Variants in SHANK1 observed in about 807,000 individuals in gnomAD.
The protein encoded by SHANK1 is SH3 and multiple ankyrin repeat domains 1.
In SHANK1, 35 loss-of-function variants were observed where a neutral mutation model predicts 165.6. The ratio of observed to expected loss-of-function variants is 0.21; its 90% CI spans 0.16 to 0.28. The LOEUF (loss-of-function observed/expected upper bound fraction) is 0.28. Among genes scored for constraint, SHANK1 ranks in the 10% least tolerant of loss-of-function variants. The probability of loss-of-function intolerance (pLI) is 1.00; values close to 1 mark genes in which losing one functional copy is unlikely to be tolerated. For synonymous variants in SHANK1, 1,428 were observed against 1,384.8 expected (o/e 1.03, Z -0.69); for missense variants, 2,681 against 3,036.4 (o/e 0.88, Z 2.75).
At chr19:50,684,928 A>C (rs1986286603) in intron 21 of SHANK1, among the ~76,000 whole-genome samples, 1 of 152,258 alleles carries the variant, frequency 6.6e-6, no homozygotes, top group Non-Finnish European at 1.5e-5. Flanking sequence ...ATTTTAGTGT[A>C]ACTGGCCTCT....
intron 12 of SHANK1, 83 bp from the exon 13 acceptor site, chr19:50,698,039 C>A: frequency 1.0e-6 from 1 of 968,570 alleles, no homozygotes; most frequent in Non-Finnish European, 1.6e-6. Flanking sequence ...TTAGAGCATT[C>A]CCACAGTTAC....
intron 12 of SHANK1, among the ~76,000 whole-genome samples, chr19:50,698,181 G>T (rs1267338083): frequency 6.8e-6 from 1 of 147,978 alleles, no homozygotes; most frequent in Non-Finnish European, 1.5e-5. Context: ...TGGGGAAGAC[G>T]ACTGTTCCAT....
intron 15 of SHANK1, among the ~76,000 whole-genome samples, chr19:50,691,311 C>T (rs953880525): frequency 6.6e-6 from 1 of 152,060 alleles, no homozygotes; most frequent in African/African-American, 2.4e-5. Flanking sequence ...GTCCCCATTC[C>T]CACCTTCTTA....
Position 50,662,663 on chromosome 19 carries a change from A to G in SHANK1, c.5788T>C (p.Ser1930Pro), listed in dbSNP as rs1384545011. Reference sequence around the variant, plus strand: ...CTGACAGGCTTGGAGAGGAGTGAGGACTGGGAGTCGTCGGAGAGTCTGGAA... The same window carrying G: ...CTGACAGGCTTGGAGAGGAGTGAGGGCTGGGAGTCGTCGGAGAGTCTGGAA... ...QRQRLSDDSQ[S>P]SLLSKPVSSL... The change falls in exon 24 of 24, where the codon TCC becomes CCC. Residue 1930 changes from serine to proline, a missense_variant. This residue lies in a region of SHANK1 where 1,713 missense variants were observed against 1,630.2 expected (regional missense o/e 1.05). Transcript: ENST00000293441. This position sits in a 1 kb window ranked among gnomAD's most constrained non-coding sequence, Gnocchi z 7.7. 3.8e-6 allele frequency: 6 copies of G among 1,559,936 alleles called. No homozygotes were observed. The East Asian group carries it at 1.4e-4, about 37-fold the overall frequency.
In SHANK1 at chr19:50,711,823, A is replaced by G. The variant is rs1487680281; in HGVS notation, c.960+124T>C. The G allele has an allele frequency of 2.7e-6, 3 of 1,109,810 alleles. No individual in the cohort carries two copies. The East Asian group carries it at 7.1e-5, about 26-fold the overall frequency. The allele number at this position is 1,109,810 out of a possible 1,614,324, so 68.7% of individuals were successfully genotyped here. A position where few individuals can be genotyped will look rare whatever the true frequency, so the allele number is the denominator to read the frequency against. On this transcript the variant is annotated intron_variant, in intron 7 of 23. Transcript: ENST00000293441. The stretch of plus-strand genomic sequence containing the variant: ...CACCCCCACCATTTCCTCTTTGGGG[A>G]CCATGTTATTCTCACCCCCATGCTC...
At chr19:50,683,635 G>A (rs994540106) in intron 21 of SHANK1, among the ~76,000 whole-genome samples, 6 of 152,090 alleles carry the variant, frequency 3.9e-5, no homozygotes, top group African/African-American at 7.2e-5. Context: ...GCCCAAAGAT[G>A]CAAAGCACGT....
At position 50,713,889 on chromosome 19, in the gene SHANK1, C is replaced by T. The variant is rs1306523978; in HGVS notation, c.701G>A (p.Cys234Tyr). ...GAAGTCAATGTGGGCCCCGCCCAGG[C>T]ACAGGGTTCGAATCACCTCTACAGA... ...EGSVEVIRTL[C>Y]LGGAHIDFRA... The change falls in exon 6 of 24, where the codon TGC becomes TAC. Residue 234 changes from cysteine (C) to tyrosine (Y), a missense_variant. Physicochemically the swap from Cys to Tyr is radical, Grantham distance 194 (BLOSUM62 -2). This residue lies in a region of SHANK1 where 189 missense variants were observed against 440.9 expected (regional missense o/e 0.43). Transcript: ENST00000293441. The surrounding 1 kb of genome is among the most constrained non-coding windows in gnomAD (Gnocchi z 6.2). The T allele has an allele frequency of 1.9e-6, 3 of 1,613,954 alleles. No homozygotes were observed. The highest frequency in any genetic ancestry group is 2.2e-5 in the South Asian group (2 of 91,088).
chr19:50,686,749 G>A lies in SHANK1; in HGVS notation c.2453C>T (p.Ala818Val), dbSNP rs1234846128. The part of the protein sequence containing the change: ...MEKKRTVYQM[A>V]LNKLDEILAA... ...GCAGGGCTGGGCCGTCTTACTGAGA[G>A]CCATCTGATACACGGTCCGCTTTTT... The change falls in exon 20 of 24, where the codon GCT (alanine) becomes GTT (valine). Residue 818 changes from alanine (A) to valine (V), a missense_variant. Transcript: ENST00000293441. The surrounding 1 kb of genome is among the most constrained non-coding windows in gnomAD (Gnocchi z 5.7). 1 of 1,613,722 alleles carries A rather than the reference G, an allele frequency of 6.2e-7. No homozygotes were observed. Among genetic ancestry groups the A allele is most frequent in the Non-Finnish European group, 8.5e-7 (1 of 1,179,738 alleles).
chr19:50,707,394 C>T (rs902396590), intron 8 of SHANK1, among the ~76,000 whole-genome samples: 2 of 152,198 alleles, frequency 1.3e-5, no homozygotes, highest in Non-Finnish European at 2.9e-5. Flanking sequence ...AATTTAACCA[C>T]CATTTCCCAA....
At position 50,662,176 on chromosome 19, in the gene SHANK1, G is replaced by C; in HGVS notation, c.6275C>G (p.Ala2092Gly). 1 of 1,610,836 alleles carries C rather than the reference G, an allele frequency of 6.2e-7. No individual in the cohort carries two copies. The highest frequency in any genetic ancestry group is 8.5e-7 in the Non-Finnish European group (1 of 1,177,396). The stretch of plus-strand genomic sequence containing the variant: ...CTTGGTCCAGAACCCCAGAGGTTTA[G>C]CGCCAAACGGCTTGTCCGGGGGCAG... ...LSLPPDKPFG[A>G]KPLGFWTKFD... Residue 2092 changes from alanine to glycine, a missense_variant, in exon 24 of 24, where the codon GCT becomes GGT. By Grantham distance (60) the Ala-to-Gly change is moderately conservative. This residue lies in a region of SHANK1 where 1,713 missense variants were observed against 1,630.2 expected (regional missense o/e 1.05). Coordinates refer to ENST00000293441, the MANE Select transcript of SHANK1 (RefSeq NM_016148.5). This position sits in a 1 kb window ranked among gnomAD's most constrained non-coding sequence, Gnocchi z 7.7.
At chr19:50,687,713 C>G (rs1986402004) in intron 18 of SHANK1, 51 bp from the exon 19 acceptor site, 1 of 1,385,230 alleles carries the variant, frequency 7.2e-7, no homozygotes, top group Non-Finnish European at 9.7e-7. Flanking sequence ...GATGCCCCCA[C>G]CACCCTCTAC....
At position 50,713,765 on chromosome 19, in the gene SHANK1, C is replaced by T. The variant is rs747676708; in HGVS notation, c.792+33G>A. ...ACAAAGGGAAAAGGAGAGAGGGCCC[C>T]ATGGCGGGGATGGGGGGTCCCCGAA... On this transcript the variant is annotated intron_variant, in intron 6 of 23. Transcript: ENST00000293441. The surrounding 1 kb of genome is among the most constrained non-coding windows in gnomAD (Gnocchi z 6.2). The T allele has an allele frequency of 5.6e-6, 9 of 1,609,668 alleles. No individual in the cohort carries two copies. Among genetic ancestry groups the T allele is most frequent in the Non-Finnish European group, 7.6e-6 (9 of 1,178,138 alleles).
chr19:50,707,424 C>T (rs1376622206), intron 8 of SHANK1, among the ~76,000 whole-genome samples: 1 of 152,198 alleles, frequency 6.6e-6, no homozygotes, highest in African/African-American at 2.4e-5. Context: ...TGATCTTACC[C>T]CTTCCACATG....
chr19:50,695,554 C>T (rs981849201), intron 15 of SHANK1, among the ~76,000 whole-genome samples: 4 of 151,896 alleles, frequency 2.6e-5, no homozygotes, highest in Non-Finnish European at 5.9e-5. Flanking sequence ...AGCCCTCCCG[C>T]GCAGGTGCAG....
chr19:50,687,976 T>C lies in SHANK1; in HGVS notation c.2255A>G (p.Lys752Arg), dbSNP rs987531178. ...CGGGTGCCTGGTGACCATCACCACC[T>C]TCACCATCAGCGTGTTGCCCCCTTG... ...IRQGGNTLMV[K>R]VVMVTRHPDM... The change falls in exon 18 of 24, where the codon AAG becomes AGG. Residue 752 changes from lysine (K) to arginine (R), a missense_variant. Physicochemically the swap from Lys to Arg is conservative, Grantham distance 26. Transcript: ENST00000293441. 1 of 1,614,092 alleles carries C rather than the reference T, an allele frequency of 6.2e-7. No individual in the cohort carries two copies. The highest frequency in any genetic ancestry group is 8.5e-7 in the Non-Finnish European group (1 of 1,179,966).
chr19:50,701,568 A>G (rs951051804), intron 12 of SHANK1, among the ~76,000 whole-genome samples: 35 of 151,356 alleles, frequency 2.3e-4, no homozygotes, highest in African/African-American at 7.7e-4. Flanking sequence ...GACTCCTCCA[A>G]TCCTCATCAA....
intron 8 of SHANK1, among the ~76,000 whole-genome samples, chr19:50,705,346 A>C (rs2088925576): frequency 6.6e-6 from 1 of 152,230 alleles, no homozygotes; most frequent in Non-Finnish European, 1.5e-5. Flanking sequence ...TGTCTCAAAA[A>C]AAAATAATAA....
rs994329563 is a variant in SHANK1, at chr19:50,697,685, A to T, written c.1862-21T>A. On this transcript the variant is annotated intron_variant, in intron 13 of 23. Coordinates refer to ENST00000293441, the MANE Select transcript of SHANK1 (RefSeq NM_016148.5). This position sits in a 1 kb window ranked among gnomAD's most constrained non-coding sequence, Gnocchi z 4.7. ...GCTTTCTGCAGGGTGACAACAGACAACCTTGGACTCTTGTTTTGGAAACCA... is the reference window on the plus strand; with the variant it reads ...GCTTTCTGCAGGGTGACAACAGACATCCTTGGACTCTTGTTTTGGAAACCA... 3 of 1,611,790 alleles carry T rather than the reference A, an allele frequency of 1.9e-6. No homozygotes were observed. In the African/African-American group the frequency reaches 4.0e-5, roughly 22 times the overall value.
Position 50,688,926 on chromosome 19 carries a change from G to A in SHANK1, c.2090C>T (p.Pro697Leu), listed in dbSNP as rs1052513622. ...IEEFTPTPAFPALQYLESVDE... is the reference protein window; with the variant it reads ...IEEFTPTPAFLALQYLESVDE... Reference sequence around the variant, plus strand: ...CACCGACTCCAGGTACTGCAGCGCCGGGAAGGCCGGGGTGGGGGTGAACTC... The same window carrying A: ...CACCGACTCCAGGTACTGCAGCGCCAGGAAGGCCGGGGTGGGGGTGAACTC... The change falls in exon 17 of 24, where the codon CCG becomes CTG. Residue 697 changes from proline to leucine, a missense_variant. Physicochemically the swap from Pro to Leu is moderately conservative, Grantham distance 98. Around this residue, in one of 10 missense-constraint regions of SHANK1, gnomAD observed 147 missense variants for 256.5 expected, o/e 0.57. Coordinates refer to ENST00000293441, the MANE Select transcript of SHANK1 (RefSeq NM_016148.5). The surrounding 1 kb of genome is among the most constrained non-coding windows in gnomAD (Gnocchi z 6.7). The A allele has an allele frequency of 2.6e-6, 4 of 1,561,596 alleles. No homozygotes were observed. Among genetic ancestry groups the A allele is most frequent in the Admixed American group, 1.9e-5 (1 of 52,318 alleles).
Sources: gnomAD v4.1 joint callset for allele counts (sites outside exome capture counted in the v4.1 genomes callset) on GRCh38, gnomAD v4.1.1 for gene constraint, gnomAD v4.1.1 regional missense constraint, Gnocchi (gnomAD v3.1) non-coding constraint, MANE v1.5 for transcripts, NCBI Gene and HGNC (gene_info 2026-07-23, HGNC 2026-07-21) for gene names.